GRIN2B: variants seen among roughly 807,000 people sequenced by gnomAD.
The protein encoded by GRIN2B is glutamate ionotropic receptor NMDA type subunit 2B.
In GRIN2B, 5 loss-of-function variants were observed where a neutral mutation model predicts 114.5. That is an observed-to-expected ratio of 0.04 (90% CI 0.02 to 0.09). GRIN2B has a LOEUF of 0.09. Among genes scored for constraint, GRIN2B ranks in the 10% least tolerant of loss-of-function variants. GRIN2B has a pLI of 1.00. For missense variants in GRIN2B, 1,108 were observed against 1,943.5 expected (o/e 0.57, Z 8.08); for synonymous variants, 787 against 745.1 (o/e 1.06, Z -0.92).
intron 2 of GRIN2B, among the ~76,000 whole-genome samples, chr12:13,876,688 A>G (rs755161039): frequency 1.3e-5 from 2 of 152,244 alleles, no homozygotes; most frequent in Non-Finnish European, 2.9e-5. Flanking sequence ...TGGAATCAAT[A>G]TCTTCAATCA....
chr12:13,576,057 G>A (rs1189463591), intron 10 of GRIN2B, among the ~76,000 whole-genome samples: 1 of 152,180 alleles, frequency 6.6e-6, no homozygotes, highest in Non-Finnish European at 1.5e-5. Context: ...GGCCAACAGG[G>A]AGAGAACATT....
intron 4 of GRIN2B, among the ~76,000 whole-genome samples, chr12:13,704,959 T>G (rs1283937891): frequency 2.6e-5 from 4 of 152,168 alleles, no homozygotes; most frequent in African/African-American, 7.2e-5. Context: ...ATGACTGATT[T>G]CAGTGGAATA....
intron 4 of GRIN2B, among the ~76,000 whole-genome samples, chr12:13,690,663 T>C (rs532968983): frequency 2.6e-5 from 4 of 152,250 alleles, no homozygotes; most frequent in Non-Finnish European, 5.9e-5. Context: ...TCCATGGTAT[T>C]GTGCCCTTGG....
In GRIN2B at chr12:13,600,498, C is replaced by A. The variant is rs540219982; in HGVS notation, c.2010+8105G>T. 1.3e-4 allele frequency among the ~76,000 whole-genome samples: 20 copies of A among 150,634 alleles called. No homozygotes were observed. In the South Asian group the frequency reaches 4.0e-3, roughly 30 times the overall value. On this transcript the variant is annotated intron_variant, in intron 10 of 13. Coordinates refer to ENST00000609686, the MANE Select transcript of GRIN2B (RefSeq NM_000834.5). ...CTTGGAGGGTAGGGATGTGTGTGTGCATGTGTGTGTGTGTGTGTGTACATT... is the reference window on the plus strand; with the variant it reads ...CTTGGAGGGTAGGGATGTGTGTGTGAATGTGTGTGTGTGTGTGTGTACATT...
chr12:13,862,280 T>C (rs1403103693), intron 3 of GRIN2B, among the ~76,000 whole-genome samples: 2 of 152,220 alleles, frequency 1.3e-5, no homozygotes, highest in Non-Finnish European at 2.9e-5. Flanking sequence ...TTGTCAAAAG[T>C]CTTCAGAAGA....
rs1330150300 is a variant in GRIN2B at position 13,558,752 on chromosome 12, T to A, written c.*4031A>T. The A allele has an allele frequency of 6.6e-6, 1 of 152,204 alleles. No individual in the cohort carries two copies. The highest frequency in any genetic ancestry group is 1.9e-4 in the East Asian group (1 of 5,194). 9.4% of individuals were successfully genotyped at this position (152,204 alleles called of 1,614,324 possible). A position where few individuals can be genotyped will look rare whatever the true frequency, so the allele number is the denominator to read the frequency against. The stretch of plus-strand genomic sequence containing the variant: ...TGCAGGGAAATACATATGAAGGATG[T>A]TTCCCAAGTTCTGGCTGAGGATACA... On this transcript the variant is annotated 3_prime_UTR_variant, in exon 14 of 14. Transcript: ENST00000609686.
chr12:13,755,668 C>A (rs1248094231), intron 3 of GRIN2B, among the ~76,000 whole-genome samples: 3 of 152,204 alleles, frequency 2.0e-5, no homozygotes, highest in Non-Finnish European at 4.4e-5. Flanking sequence ...TGATCCTAGA[C>A]TTCTCCTACT....
At chr12:13,843,719 AT>A (rs1324102392) in intron 3 of GRIN2B, among the ~76,000 whole-genome samples, 1 of 152,216 alleles carries the variant, frequency 6.6e-6, no homozygotes, top group African/African-American at 2.4e-5. Flanking sequence ...ATTTTTAAAA[AT>A]ATTAGGAACA....
At position 13,605,010 on chromosome 12, in the gene GRIN2B, C is replaced by T. The variant is rs112679252; in HGVS notation, c.2010+3593G>A. Among the ~76,000 whole-genome samples, 793 of 150,346 alleles carry T rather than the reference C, an allele frequency of 5.3e-3. 9 individuals are homozygous for T. The highest frequency in any genetic ancestry group is 0.018 in the African/African-American group (736 of 40,032). ...CTTTCTTTGCCTGTGATTCTGGGTC[C>T]GTTGTTTTTGCCAGGGGCTCTTAAG... On this transcript the variant is annotated intron_variant, in intron 10 of 13. Coordinates refer to ENST00000609686, the MANE Select transcript of GRIN2B (RefSeq NM_000834.5).
At chr12:13,869,241 C>CTTTTTTTTTTTTTTT (rs377460231) in intron 2 of GRIN2B, among the ~76,000 whole-genome samples, 29 of 127,356 alleles carry the variant, frequency 2.3e-4, no homozygotes, top group Middle Eastern at 4.1e-3. Flanking sequence ...CTTTTTTTTT[C>CTTTTTTTTTTTTTTT]TTTTTTTTTT....
chr12:13,632,874 C>T (rs1026386875), intron 5 of GRIN2B, among the ~76,000 whole-genome samples: 1 of 152,148 alleles, frequency 6.6e-6, no homozygotes, highest in Non-Finnish European at 1.5e-5. Context: ...CTATCTCAGA[C>T]CAATTATATT....
Position 13,554,062 on chromosome 12 carries a change from C to T in GRIN2B, c.*8721G>A, listed in dbSNP as rs533185619. The T allele has an allele frequency of 1.3e-5, 2 of 152,172 alleles. No homozygotes were observed. Among genetic ancestry groups the T allele is most frequent in the South Asian group, 2.1e-4 (1 of 4,798 alleles). The allele number at this position is 152,172 out of a possible 1,614,324, so 9.4% of individuals were successfully genotyped here. On this transcript the variant is annotated 3_prime_UTR_variant, in exon 14 of 14. Coordinates refer to ENST00000609686, the MANE Select transcript of GRIN2B (RefSeq NM_000834.5). ...TCATCCTTAGGTGCTACTGCAGATA[C>T]AAATGGGCAAAATAAAGTGACTCCT... is the stretch of plus-strand genomic sequence containing the variant.
chr12:13,928,440 T>A (rs1008641810), intron 2 of GRIN2B, among the ~76,000 whole-genome samples: 1 of 152,170 alleles, frequency 6.6e-6, no homozygotes, highest in Non-Finnish European at 1.5e-5. Flanking sequence ...TCAGAAGATA[T>A]TTAAAGGAGA....
rs150500612 is a variant in GRIN2B, at chr12:13,936,763, A to C, written c.-19+43165T>G. Among the ~76,000 whole-genome samples, 134 of 152,312 alleles carry C rather than the reference A, an allele frequency of 8.8e-4. 1 individual carries two copies. The highest frequency in any genetic ancestry group is 2.7e-3 in the African/African-American group (111 of 41,572). On this transcript the variant is annotated intron_variant, in intron 2 of 13. Transcript: ENST00000609686. ...ATTATAAATATGTCTTAAAAAGTAC[A>C]GAAAATATGCTCAAATAATTAAAGG...
At chr12:13,933,182 T>G (rs919385277) in intron 2 of GRIN2B, among the ~76,000 whole-genome samples, 9 of 152,160 alleles carry the variant, frequency 5.9e-5, no homozygotes, top group African/African-American at 2.2e-4. Context: ...ATGCTAAGTC[T>G]CTTATTTCTT....
At chr12:13,633,598 A>G (rs1454148970) in intron 5 of GRIN2B, among the ~76,000 whole-genome samples, 1 of 152,228 alleles carries the variant, frequency 6.6e-6, no homozygotes, top group Non-Finnish European at 1.5e-5. Context: ...GCCAGCTGGT[A>G]GAAATAAAAT....
chr12:13,607,349 TAA>T (rs1491542675), intron 10 of GRIN2B, among the ~76,000 whole-genome samples: 11,343 of 52,714 alleles, frequency 0.22, 2,203 homozygotes, highest in Middle Eastern at 0.33. Context: ...ATATAATATA[TAA>T]AATATATAAT....
At chr12:13,639,333 G>T (rs1238944394) in intron 5 of GRIN2B, among the ~76,000 whole-genome samples, 1 of 152,088 alleles carries the variant, frequency 6.6e-6, no homozygotes, top group East Asian at 1.9e-4. Context: ...ATTCTGCAGT[G>T]GTAGAGGCAG....
chr12:13,655,690 C>A (rs1460635670), intron 5 of GRIN2B, among the ~76,000 whole-genome samples: 3 of 152,080 alleles, frequency 2.0e-5, no homozygotes, highest in African/African-American at 4.8e-5. Flanking sequence ...TTGTTTTTGT[C>A]ATATTAAATA....
Sources: allele counts gnomAD v4.1 joint callset (sites outside exome capture counted in the v4.1 genomes callset), GRCh38; gene constraint gnomAD v4.1.1; transcripts MANE v1.5; gene names NCBI Gene and HGNC (gene_info 2026-07-23, HGNC 2026-07-21).